ENTPD4: variants seen among roughly 807,000 people sequenced by gnomAD.
ENTPD4 encodes Golgi UDPase.
In ENTPD4, 60 loss-of-function variants were observed where a neutral mutation model predicts 79.1. The ratio of observed to expected loss-of-function variants is 0.76; its 90% CI spans 0.62 to 0.94. The LOEUF (loss-of-function observed/expected upper bound fraction) is 0.94, where lower values mean the gene tolerates loss of function less well. ENTPD4 is among the 40% of genes least tolerant of loss of function. The pLI, the probability that ENTPD4 is intolerant of heterozygous loss-of-function variation, is 0.00. For synonymous variants in ENTPD4, 276 were observed against 292.0 expected, an observed-to-expected ratio of 0.95 and a Z score of 0.56; for missense variants, 772 against 775.1, an observed-to-expected ratio of 1.00 and a Z score of 0.05.
At position 23,447,870 on chromosome 8, in the gene ENTPD4, A is replaced by G. The variant is rs183587424; in HGVS notation, c.222T>C (p.Val74=). 97 of 1,614,176 alleles carry G rather than the reference A, an allele frequency of 6.0e-5. 1 individual carries two copies. The highest frequency in any genetic ancestry group is 2.3e-4 in the Admixed American group (14 of 60,028). The change falls in exon 4 of 13, where the codon GTT becomes GTC. Residue 74 remains valine (V), a synonymous_variant. Coordinates refer to ENST00000358689, the MANE Select transcript of ENTPD4 (RefSeq NM_004901.5). The part of the protein sequence containing the change: ...DKKFQRYLAR[V]TDIEATDTNN... ...TGGTGTCTGTAGCTTCAATGTCGGTAACTCGTGCCAGGTACCTTGTATAGA... is the reference window on the plus strand; with the variant it reads ...TGGTGTCTGTAGCTTCAATGTCGGTGACTCGTGCCAGGTACCTTGTATAGA...
chr8:23,437,383 GGA>G (rs1800586546), intron 9 of ENTPD4, 125 bp from the exon 10 acceptor site: 1 of 674,814 alleles, frequency 1.5e-6, no homozygotes. Context: ...CCGTGTCTGT[GGA>G]ACAGAAAAGG....
intron 4 of ENTPD4, among the ~76,000 whole-genome samples, chr8:23,445,897 T>C (rs1287106316): frequency 2.0e-5 from 3 of 152,152 alleles, no homozygotes; most frequent in Non-Finnish European, 4.4e-5. Flanking sequence ...ATATTAAAAA[T>C]GAGGGGCGCT....
chr8:23,436,719 A>G (rs1800568105), intron 10 of ENTPD4, among the ~76,000 whole-genome samples: 1 of 152,204 alleles, frequency 6.6e-6, no homozygotes, highest in Admixed American at 6.5e-5. Flanking sequence ...AGGGTAGCTA[A>G]TGGAGTGGTG....
chr8:23,434,068 C>T (rs1342057307), intron 12 of ENTPD4: 6 of 472,516 alleles, frequency 1.3e-5, no homozygotes, highest in Non-Finnish European at 2.3e-5. Flanking sequence ...GGGGAACAGA[C>T]AGTTGAGAAT....
At chr8:23,455,586 T>C (rs1223940000) in intron 1 of ENTPD4, among the ~76,000 whole-genome samples, 1 of 152,234 alleles carries the variant, frequency 6.6e-6, no homozygotes, top group African/African-American at 2.4e-5. Flanking sequence ...ATTTTAATTT[T>C]ATTTTTCAAT....
rs1800697656 is a variant in ENTPD4 at position 23,442,816 on chromosome 8, TCCC to T, written c.668-753_668-751del. 2.0e-5 allele frequency among the ~76,000 whole-genome samples: 3 copies of T among 152,154 alleles called. No individual in the cohort carries two copies. The South Asian group carries it at 6.2e-4, about 32-fold the overall frequency. On this transcript the variant is annotated intron_variant, in intron 6 of 12. Coordinates refer to ENST00000358689, the MANE Select transcript of ENTPD4 (RefSeq NM_004901.5). The stretch of plus-strand genomic sequence containing the variant: ...CACCTTGGGTAGTCCATCTAATCCA[TCCC>T]TGCCCCTATTCCTCTGCTGCAACCT...
intron 4 of ENTPD4, among the ~76,000 whole-genome samples, chr8:23,446,725 G>A (rs1800769266): frequency 6.6e-6 from 1 of 152,114 alleles, no homozygotes; most frequent in Non-Finnish European, 1.5e-5. Context: ...AAAGAATGAG[G>A]ACTCGAGGGG....
chr8:23,457,546 G>A lies in ENTPD4; in HGVS notation c.-98+11C>T, dbSNP rs1037900674. ...GCCCTCCCCTCACCCACGCTCGGAAGGCAACCTCACCTGCTTGGCCGGCCG... is the reference window on the plus strand; with the variant it reads ...GCCCTCCCCTCACCCACGCTCGGAAAGCAACCTCACCTGCTTGGCCGGCCG... On this transcript the variant is annotated intron_variant, in intron 1 of 12. Transcript: ENST00000358689. The A allele has an allele frequency of 2.6e-5, 4 of 151,906 alleles. No homozygotes were observed. The highest frequency in any genetic ancestry group is 9.7e-5 in the African/African-American group (4 of 41,380). The allele number at this position is 151,906 out of a possible 1,614,324, so 9.4% of individuals were successfully genotyped here.
intron 3 of ENTPD4, 108 bp from the exon 4 acceptor site, chr8:23,447,993 A>G (rs531557447): frequency 1.5e-4 from 123 of 807,132 alleles, no homozygotes; most frequent in African/African-American, 8.7e-4. Context: ...GCTATGTAGC[A>G]GCACCACTAT....
In ENTPD4 at chr8:23,457,627, T is replaced by G. The variant is rs1014054890; in HGVS notation, c.-168A>C. ...GCAGCATCACGGCCAGCCGGCTTCC[T>G]GGAGGCCGCGCTCCTTTCCTGGAGC... On this transcript the variant is annotated 5_prime_UTR_variant, in exon 1 of 13. Transcript: ENST00000358689. The G allele has an allele frequency of 1.3e-5, 2 of 151,650 alleles. No homozygotes were observed. The highest frequency in any genetic ancestry group is 2.4e-5 in the African/African-American group (1 of 41,338). The allele number at this position is 151,650 out of a possible 1,614,324, so 9.4% of individuals were successfully genotyped here.
intron 1 of ENTPD4, among the ~76,000 whole-genome samples, chr8:23,455,523 A>C (rs955485198): frequency 6.6e-6 from 1 of 152,224 alleles, no homozygotes; most frequent in African/African-American, 2.4e-5. Context: ...TTCTTTAAGA[A>C]GATATGTATG....
intron 12 of ENTPD4, among the ~76,000 whole-genome samples, chr8:23,433,809 G>A (rs1800505942): frequency 6.6e-6 from 1 of 152,112 alleles, no homozygotes; most frequent in African/African-American, 2.4e-5. Context: ...TATCATTGAC[G>A]CTCATTGACT....
intron 2 of ENTPD4, among the ~76,000 whole-genome samples, chr8:23,449,449 G>C (rs1225718897): frequency 1.3e-5 from 2 of 152,026 alleles, no homozygotes; most frequent in Non-Finnish European, 2.9e-5. Context: ...TGAAGTCCAA[G>C]GCAAATTTCT....
chr8:23,444,273 A>G (rs1359904256), intron 5 of ENTPD4, among the ~76,000 whole-genome samples, 183 bp downstream of exon 5: 5 of 152,198 alleles, frequency 3.3e-5, no homozygotes, highest in Non-Finnish European at 7.3e-5. Flanking sequence ...ATTAAAGGCT[A>G]TTTGGTGGAT....
At chr8:23,441,338 CA>C (rs966123201) in intron 8 of ENTPD4, 18 of 860,610 alleles carry the variant, frequency 2.1e-5, no homozygotes, top group Non-Finnish European at 2.4e-5. Flanking sequence ...GCGTATATAC[CA>C]AAGAAAAACT....
chr8:23,430,851 C>T lies in ENTPD4; in HGVS notation c.*2075G>A. The T allele has an allele frequency of 1.0e-6, 1 of 985,500 alleles. No homozygotes were observed. Among genetic ancestry groups the T allele is most frequent in the Non-Finnish European group, 1.2e-6 (1 of 830,038 alleles). 61.0% of individuals were successfully genotyped at this position (985,500 alleles called of 1,614,324 possible). ...CTCCCTGCAGCCTCCACCAATAATC[C>T]ATGGCTCCTCCAGGAAGTGTCGCAG... On this transcript the variant is annotated 3_prime_UTR_variant, in exon 13 of 13. Transcript: ENST00000358689.
In ENTPD4 at chr8:23,430,897, T is replaced by C; in HGVS notation, c.*2029A>G. ...CGCAGGCAGGTGGCCAAGACCAACT[T>C]ATTAGGTAGCCAGAAGCTCACCCCT... On this transcript the variant is annotated 3_prime_UTR_variant, in exon 13 of 13. Coordinates refer to ENST00000358689, the MANE Select transcript of ENTPD4 (RefSeq NM_004901.5). The C allele has an allele frequency of 3.0e-6, 3 of 985,422 alleles. No individual in the cohort carries two copies. The highest frequency in any genetic ancestry group is 3.6e-6 in the Non-Finnish European group (3 of 829,972). The allele number at this position is 985,422 out of a possible 1,614,324, so 61.0% of individuals were successfully genotyped here.
At chr8:23,447,435 T>A (rs1447481373) in intron 4 of ENTPD4, among the ~76,000 whole-genome samples, 1 of 152,172 alleles carries the variant, frequency 6.6e-6, no homozygotes, top group Non-Finnish European at 1.5e-5. Flanking sequence ...ATACCATGAG[T>A]AAGGCACTAT....
At position 23,437,226 on chromosome 8, in the gene ENTPD4, T is replaced by C; in HGVS notation, c.1082A>G (p.Asp361Gly). Residue 361 changes from aspartate (D) to glycine (G), a missense_variant, in exon 10 of 13, where the codon GAT (aspartate) becomes GGT (glycine). Transcript: ENST00000358689. ...LLGKQTGLTPDMPYLDPCLPL... is the reference protein window; with the variant it reads ...LLGKQTGLTPGMPYLDPCLPL... ...TAGGCAGGGGTCCAAGTACGGCATA[T>C]CAGGAGTCAGACCAGTCTGTTTACC... is the stretch of plus-strand genomic sequence containing the variant. The C allele has an allele frequency of 6.2e-7, 1 of 1,613,262 alleles. No homozygotes were observed. The highest frequency in any genetic ancestry group is 8.5e-7 in the Non-Finnish European group (1 of 1,179,494).
Sources: gnomAD v4.1 joint callset for allele counts (sites outside exome capture counted in the v4.1 genomes callset) on GRCh38, gnomAD v4.1.1 for gene constraint, MANE v1.5 for transcripts, NCBI Gene and HGNC (gene_info 2026-07-23, HGNC 2026-07-21) for gene names.